Variants in RPS6KA6 observed in about 807,000 individuals in gnomAD.
RPS6KA6 encodes ribosomal protein S6 kinase A6.
A neutral mutation model predicts 65.4 loss-of-function variants in RPS6KA6; 27 were observed. The observed-to-expected ratio is 0.41, with a 90% CI of 0.30 to 0.57. The LOEUF is 0.57. Among genes scored for constraint, RPS6KA6 ranks in the 20% least tolerant of loss-of-function variants. The probability of loss-of-function intolerance (pLI) is 0.24; values close to 1 mark genes in which losing one functional copy is unlikely to be tolerated. For synonymous variants in RPS6KA6, 190 were observed against 184.2 expected, an observed-to-expected ratio of 1.03 and a Z score of -0.26; for missense variants, 486 against 555.6, an observed-to-expected ratio of 0.87 and a Z score of 1.26.
intron 20 of RPS6KA6, among the ~76,000 whole-genome samples, chrX:84,067,140 G>A (rs1340408166): frequency 2.7e-5 from 3 of 111,739 alleles, no homozygotes; most frequent in East Asian, 5.6e-4. Flanking sequence ...CTCTAACATC[G>A]AAGGCAGATA....
At chrX:84,168,809 T>A (rs2035637037) in intron 1 of RPS6KA6, among the ~76,000 whole-genome samples, 1 of 111,396 alleles carries the variant, frequency 9.0e-6, no homozygotes, top group Non-Finnish European at 1.9e-5. Context: ...TGTGAATGAG[T>A]CAAGAAGATC....
intron 1 of RPS6KA6, among the ~76,000 whole-genome samples, chrX:84,172,539 C>A (rs2035702369): frequency 9.0e-6 from 1 of 111,721 alleles, no homozygotes; most frequent in South Asian, 3.7e-4. Flanking sequence ...GGTATAGCTG[C>A]TATAAAAAGC....
Position 84,183,285 on chromosome X carries a change from C to A in RPS6KA6, c.81+4534G>T, listed in dbSNP as rs199644367. Reference sequence around the variant, plus strand: ...TACTCTCCAACATCTAATCAGTTACCAAATTGTAACTATTCTACCTCTGCC... The same window carrying A: ...TACTCTCCAACATCTAATCAGTTACAAAATTGTAACTATTCTACCTCTGCC... On this transcript the variant is annotated intron_variant, in intron 1 of 21. Transcript: ENST00000262752. Among the ~76,000 whole-genome samples, 5 of 111,240 alleles carry A rather than the reference C, an allele frequency of 4.5e-5. No homozygotes were observed. The East Asian group carries it at 1.4e-3, about 32-fold the overall frequency.
intron 20 of RPS6KA6, among the ~76,000 whole-genome samples, chrX:84,079,692 C>T (rs4828244): frequency 0.55 from 60,638 of 110,483 alleles, 13,657 homozygotes; most frequent in Non-Finnish European, 0.71. Context: ...CCCCTGACAG[C>T]GTAAACAAAG....
At chrX:84,088,639 G>A (rs1428291139) in intron 20 of RPS6KA6, among the ~76,000 whole-genome samples, 1 of 112,151 alleles carries the variant, frequency 8.9e-6, no homozygotes, top group African/African-American at 3.2e-5. Context: ...CAGTCTGGCT[G>A]CTTTTTGGTA....
At chrX:84,173,893 T>C (rs1327257162) in intron 1 of RPS6KA6, among the ~76,000 whole-genome samples, 6 of 111,979 alleles carry the variant, frequency 5.4e-5, no homozygotes, top group Middle Eastern at 4.7e-3. Context: ...AGGATCACTT[T>C]TGGTCAACGT....
intron 6 of RPS6KA6, among the ~76,000 whole-genome samples, chrX:84,140,039 T>C (rs1465593446): frequency 9.0e-6 from 1 of 111,438 alleles, no homozygotes; most frequent in Non-Finnish European, 1.9e-5. Context: ...CAAAGAGAAC[T>C]CTGTAGATAT....
intron 3 of RPS6KA6, 48 bp downstream of exon 3, chrX:84,156,027 G>T (rs1251683286): frequency 8.5e-6 from 6 of 709,122 alleles, no homozygotes; most frequent in Admixed American, 7.4e-5. Flanking sequence ...CACTTTTTTT[G>T]CTAAATGTTT....
chrX:84,064,994 T>C lies in RPS6KA6; in HGVS notation c.2089A>G (p.Asn697Asp). 8.3e-7 allele frequency: 1 copy of C among 1,207,959 alleles called. No homozygotes were observed. The highest frequency in any genetic ancestry group is 1.8e-5 in the South Asian group (1 of 56,505). Residue 697 changes from asparagine (N) to aspartate (D), a missense_variant, in exon 21 of 22, where the codon AAT becomes GAT. Transcript: ENST00000262752. The part of the protein sequence containing the change: ...DQLPNDQPKR[N>D]DVSHVVKGAM... ...ACCTTAACAACATGTGACACATCAT[T>C]TCTCTTTGGCTGATCATTTGGCAAC... is the stretch of plus-strand genomic sequence containing the variant.
chrX:84,145,844 CA>C (rs1427181137), intron 5 of RPS6KA6, among the ~76,000 whole-genome samples: 2 of 111,034 alleles, frequency 1.8e-5, no homozygotes, highest in Non-Finnish European at 3.8e-5. Flanking sequence ...CTTAGCCTAT[CA>C]AACCTACTGA....
chrX:84,086,741 G>C (rs2147375269), intron 20 of RPS6KA6, among the ~76,000 whole-genome samples: 1 of 110,912 alleles, frequency 9.0e-6, no homozygotes, highest in East Asian at 2.9e-4. Flanking sequence ...TTGATAATCT[G>C]TATAATATTG....
chrX:84,090,905 T>TAA (rs2034031592), intron 20 of RPS6KA6, among the ~76,000 whole-genome samples: 1 of 112,058 alleles, frequency 8.9e-6, no homozygotes, highest in Non-Finnish European at 1.9e-5. Context: ...CTTCAATTGT[T>TAA]AAAGGGTTAC....
At chrX:84,066,349 A>G (rs2033403485) in intron 20 of RPS6KA6, among the ~76,000 whole-genome samples, 1 of 108,212 alleles carries the variant, frequency 9.2e-6, no homozygotes, top group African/African-American at 3.4e-5. Flanking sequence ...CAGCAAGCTA[A>G]GAACCACTGG....
Position 84,180,366 on chromosome X carries a change from C to T in RPS6KA6, c.81+7453G>A, listed in dbSNP as rs1156820466. Among the ~76,000 whole-genome samples, 3 of 111,565 alleles carry T rather than the reference C, an allele frequency of 2.7e-5. No individual in the cohort carries two copies. In the East Asian group the frequency reaches 8.4e-4, roughly 31 times the overall value. On this transcript the variant is annotated intron_variant, in intron 1 of 21. Transcript: ENST00000262752. ...GTAGCAACTTTCCCCCTAAAATTTC[C>T]TCAGATTTTAAAAGCTGATCTTGTT... is the stretch of plus-strand genomic sequence containing the variant.
intron 3 of RPS6KA6, among the ~76,000 whole-genome samples, chrX:84,151,270 CAT>C (rs1421857704): frequency 9.7e-6 from 1 of 103,417 alleles, no homozygotes; most frequent in Non-Finnish European, 2.0e-5. Flanking sequence ...TACACACACA[CAT>C]ATACATATAT....
intron 20 of RPS6KA6, among the ~76,000 whole-genome samples, chrX:84,079,628 A>G (rs2033744138): frequency 9.0e-6 from 1 of 110,843 alleles, no homozygotes; most frequent in Non-Finnish European, 1.9e-5. Flanking sequence ...TGGACACTTG[A>G]GCTTGGTGGG....
At chrX:84,089,895 C>T (rs2147384189) in intron 20 of RPS6KA6, among the ~76,000 whole-genome samples, 1 of 112,244 alleles carries the variant, frequency 8.9e-6, no homozygotes, top group African/African-American at 3.2e-5. Flanking sequence ...TATAGTTGGC[C>T]ATCTTGGCCC....
chrX:84,129,756 C>T (rs752748720), intron 8 of RPS6KA6, among the ~76,000 whole-genome samples: 2 of 111,014 alleles, frequency 1.8e-5, no homozygotes, highest in Non-Finnish European at 3.8e-5. Flanking sequence ...GAAAAATAAA[C>T]TTATGTTCTC....
intron 8 of RPS6KA6, 24 bp from the exon 9 acceptor site, chrX:84,120,051 A>T: frequency 9.2e-7 from 1 of 1,086,487 alleles, no homozygotes; most frequent in South Asian, 2.5e-5. Flanking sequence ...ATTACCAAAA[A>T]ATGTGTCTGA....
Sources: allele counts gnomAD v4.1 joint callset (sites outside exome capture counted in the v4.1 genomes callset), GRCh38; gene constraint gnomAD v4.1.1; transcripts MANE v1.5; gene names NCBI Gene and HGNC (gene_info 2026-07-23, HGNC 2026-07-21).